Variants in FOXP2 observed in about 807,000 individuals in gnomAD.
FOXP2 encodes the protein forkhead box P2.
FOXP2 carries 12 observed loss-of-function variants against 115.8 expected under a neutral mutation model. That is an observed-to-expected ratio of 0.10 (90% CI 0.07 to 0.17). The LOEUF (loss-of-function observed/expected upper bound fraction) is 0.17. Among genes scored for constraint, FOXP2 ranks in the 10% least tolerant of loss-of-function variants. FOXP2 has a pLI of 1.00. For synonymous variants in FOXP2, 328 were observed against 297.7 expected, an observed-to-expected ratio of 1.10 and a Z score of -1.05; for missense variants, 629 against 843.5, an observed-to-expected ratio of 0.75 and a Z score of 3.15.
At chr7:114,598,476 G>C (rs1802842557) in intron 3 of FOXP2, among the ~76,000 whole-genome samples, 1 of 152,048 alleles carries the variant, frequency 6.6e-6, no homozygotes, top group African/African-American at 2.4e-5. Flanking sequence ...GGAGGGAGTT[G>C]AAGTTTCTCT....
intron 3 of FOXP2, among the ~76,000 whole-genome samples, chr7:114,566,101 G>C (rs1801005055): frequency 1.3e-5 from 2 of 152,124 alleles, no homozygotes; most frequent in Non-Finnish European, 2.9e-5. Context: ...AGATATGATG[G>C]ATGTCCTAAA....
intron 1 of FOXP2, among the ~76,000 whole-genome samples, chr7:114,104,249 T>A (rs1791058799): frequency 6.6e-6 from 1 of 151,968 alleles, no homozygotes. Flanking sequence ...GAAATATTTA[T>A]GAGTCAGGGC....
intron 2 of FOXP2, among the ~76,000 whole-genome samples, chr7:114,407,070 T>C (rs1793053701): frequency 6.6e-6 from 1 of 151,886 alleles, no homozygotes; most frequent in Admixed American, 6.6e-5. Flanking sequence ...AAGACAGAGC[T>C]GAAGGCTTGG....
intron 3 of FOXP2, among the ~76,000 whole-genome samples, chr7:114,605,108 T>C (rs1178632482): frequency 6.6e-6 from 1 of 152,182 alleles, no homozygotes; most frequent in Non-Finnish European, 1.5e-5. Context: ...GTTGTACTTG[T>C]CAAGAACTCA....
At chr7:114,240,679 A>G (rs964050941) in intron 1 of FOXP2, among the ~76,000 whole-genome samples, 1 of 151,944 alleles carries the variant, frequency 6.6e-6, no homozygotes, top group Non-Finnish European at 1.5e-5. Flanking sequence ...TTTGCTATAC[A>G]GATTCTTGAA....
chr7:114,391,278 G>T (rs1471397771), intron 2 of FOXP2, among the ~76,000 whole-genome samples: 1 of 152,074 alleles, frequency 6.6e-6, no homozygotes, highest in African/African-American at 2.4e-5. Flanking sequence ...TGCCCCTTTA[G>T]ACTGGGCATG....
intron 2 of FOXP2, among the ~76,000 whole-genome samples, chr7:114,520,781 G>T (rs181257558): frequency 6.6e-6 from 1 of 152,060 alleles, no homozygotes; most frequent in Non-Finnish European, 1.5e-5. Flanking sequence ...GAATGATAAT[G>T]TATACTATGG....
chr7:114,526,229 A>T (rs139110108), intron 2 of FOXP2, among the ~76,000 whole-genome samples: 173 of 147,826 alleles, frequency 1.2e-3, no homozygotes, highest in African/African-American at 3.8e-3. Flanking sequence ...CTCTAATCCC[A>T]GAACTTTGGG....
intron 3 of FOXP2, among the ~76,000 whole-genome samples, chr7:114,626,091 A>G (rs531884714): frequency 1.5e-4 from 23 of 151,860 alleles, no homozygotes; most frequent in Non-Finnish European, 2.8e-4. Context: ...TTTAAAACAT[A>G]TGATCTTAAG....
At chr7:114,413,166 T>C (rs2129199068), upstream of FOXP2, among the ~76,000 whole-genome samples, 1 of 152,272 alleles carries the variant, frequency 6.6e-6, no homozygotes, top group Admixed American at 6.5e-5. Flanking sequence ...ATGGAAACTA[T>C]CCTTTATTTC....
At chr7:114,647,173 A>C (rs1805960499) in intron 8 of FOXP2, among the ~76,000 whole-genome samples, 3 of 151,940 alleles carry the variant, frequency 2.0e-5, no homozygotes, top group African/African-American at 7.2e-5. Flanking sequence ...AATAAAAGGA[A>C]ACCATTCATT....
intron 2 of FOXP2, among the ~76,000 whole-genome samples, chr7:114,440,580 C>G (rs1020976118): frequency 1.3e-5 from 2 of 151,944 alleles, no homozygotes; most frequent in African/African-American, 2.4e-5. Context: ...AGAAAATGAC[C>G]CTCTTCAATA....
chr7:114,297,396 A>G, intron 2 of FOXP2: 1 of 710,640 alleles, frequency 1.4e-6, no homozygotes, highest in South Asian at 1.5e-5. Flanking sequence ...GCCCTTGTTG[A>G]GGCCCACTGT....
chr7:114,119,588 G>T (rs1443453174), intron 1 of FOXP2, among the ~76,000 whole-genome samples: 1 of 151,994 alleles, frequency 6.6e-6, no homozygotes, highest in Admixed American at 6.6e-5. Flanking sequence ...GTATGTACCT[G>T]TGGTTCCAAC....
intron 2 of FOXP2, among the ~76,000 whole-genome samples, chr7:114,530,197 A>G (rs11764740): frequency 0.11 from 16,743 of 151,752 alleles, 991 homozygotes; most frequent in Middle Eastern, 0.17. Context: ...TTCTGACCTC[A>G]CTATCTGAAA....
At chr7:114,295,601 A>G (rs1277147636) in intron 2 of FOXP2, among the ~76,000 whole-genome samples, 1 of 152,168 alleles carries the variant, frequency 6.6e-6, no homozygotes, top group Admixed American at 6.6e-5. Flanking sequence ...ACTGTTGGCA[A>G]TTTGAGTTTT....
intron 2 of FOXP2, among the ~76,000 whole-genome samples, chr7:114,319,066 G>A (rs963418002): frequency 6.6e-6 from 1 of 151,356 alleles, no homozygotes; most frequent in Admixed American, 6.6e-5. Flanking sequence ...TGAAAATATG[G>A]GAGCAGAACA....
intron 2 of FOXP2, among the ~76,000 whole-genome samples, chr7:114,517,839 AT>A (rs908246829): frequency 4.0e-5 from 6 of 150,894 alleles, no homozygotes; most frequent in African/African-American, 4.9e-5. Flanking sequence ...AAATTTTAAG[AT>A]TTTTTTTTCG....
chr7:114,273,026 A>C (rs79478966), intron 1 of FOXP2, among the ~76,000 whole-genome samples: 2,968 of 151,928 alleles, frequency 0.02, 88 homozygotes, highest in African/African-American at 0.059. Flanking sequence ...CAAAGAGCAA[A>C]CATAGGTCAT....
Sources: allele counts gnomAD v4.1 joint callset (sites outside exome capture counted in the v4.1 genomes callset), GRCh38; gene constraint gnomAD v4.1.1; transcripts MANE v1.5; gene names NCBI Gene and HGNC (gene_info 2026-07-23, HGNC 2026-07-21).